The following HDAC9 variants were observed in gnomAD, a reference collection of about 807,000 sequenced individuals.
HDAC9 encodes the protein MEF-2 interacting transcription repressor (MITR) protein.
HDAC9 carries 41 observed loss-of-function variants against 139.4 expected under a neutral mutation model. The ratio of observed to expected loss-of-function variants is 0.29; its 90% CI spans 0.23 to 0.38. The LOEUF (loss-of-function observed/expected upper bound fraction) is 0.38, where lower values mean the gene tolerates loss of function less well. HDAC9 is among the 10% of genes least tolerant of loss of function. HDAC9 has a pLI of 1.00. For synonymous variants in HDAC9, 517 were observed against 476.2 expected (o/e 1.09, Z -1.12); for missense variants, 1,147 against 1,297.0 (o/e 0.88, Z 1.78).
chr7:18,316,343 T>G (rs1461338840), intron 1 of HDAC9, among the ~76,000 whole-genome samples: 1 of 152,178 alleles, frequency 6.6e-6, no homozygotes, highest in Non-Finnish European at 1.5e-5. Flanking sequence ...GCACTCAGTT[T>G]GGGGTTGTCT....
chr7:18,938,230 CAA>C (rs71553939), intron 23 of HDAC9, among the ~76,000 whole-genome samples: 2,034 of 75,220 alleles, frequency 0.027, 25 homozygotes, highest in African/African-American at 0.1. Flanking sequence ...GACTCCGTCT[CAA>C]AAAAAAAAAA....
rs1477623811 is a variant in HDAC9, at chr7:18,829,445, C to T, written c.2379-16C>T. The T allele has an allele frequency of 6.4e-6, 10 of 1,571,302 alleles. No homozygotes were observed. The highest frequency in any genetic ancestry group is 8.7e-6 in the Non-Finnish European group (10 of 1,143,978). ...TGATTTGCTTTCTTATTTCTCTGTTCTTCTCTATTCCGCAGGGGGTTCTGC... is the reference window on the plus strand; with the variant it reads ...TGATTTGCTTTCTTATTTCTCTGTTTTTCTCTATTCCGCAGGGGGTTCTGC... On this transcript the variant is annotated splice_polypyrimidine_tract_variant and intron_variant, in intron 18 of 25. Coordinates refer to ENST00000686413, the MANE Select transcript of HDAC9 (RefSeq NM_178425.4).
intron 2 of HDAC9, among the ~76,000 whole-genome samples, chr7:18,220,613 G>A (rs1792629867): frequency 6.6e-6 from 1 of 152,292 alleles, no homozygotes; most frequent in East Asian, 1.9e-4. Flanking sequence ...GTGTTTTGCT[G>A]TGAATAAATT....
chr7:18,215,317 C>T (rs535692210), intron 2 of HDAC9, among the ~76,000 whole-genome samples: 157 of 152,184 alleles, frequency 1.0e-3, no homozygotes, highest in African/African-American at 3.5e-3. Context: ...GAGAAAGTCC[C>T]GGTCCTTTCT....
chr7:18,231,976 GT>G (rs1469563580), intron 2 of HDAC9, among the ~76,000 whole-genome samples: 1 of 152,062 alleles, frequency 6.6e-6, no homozygotes, highest in Non-Finnish European at 1.5e-5. Flanking sequence ...AGTTAACATT[GT>G]TGTAATATTA....
rs1220128628 is a variant in HDAC9 at position 18,591,506 on chromosome 7, T to C, written c.416-10T>C. On this transcript the variant is annotated splice_polypyrimidine_tract_variant and intron_variant, in intron 4 of 25. Coordinates refer to ENST00000686413, the MANE Select transcript of HDAC9 (RefSeq NM_178425.4). Reference sequence around the variant, plus strand: ...GTGTGTGTGTGTGTGTGTGTGTGTGTGTATTTCAGGGGCAGTGGCAAGTAC... The same window carrying C: ...GTGTGTGTGTGTGTGTGTGTGTGTGCGTATTTCAGGGGCAGTGGCAAGTAC... The C allele has an allele frequency of 6.4e-7, 1 of 1,562,238 alleles. No individual in the cohort carries two copies. Among genetic ancestry groups the C allele is most frequent in the East Asian group, 2.4e-5 (1 of 41,996 alleles).
At chr7:18,344,783 A>G (rs1330301563) in intron 1 of HDAC9, among the ~76,000 whole-genome samples, 1 of 152,018 alleles carries the variant, frequency 6.6e-6, no homozygotes, top group African/African-American at 2.4e-5. Flanking sequence ...GTTACTGGGA[A>G]TGTACTGTTT....
intron 2 of HDAC9, among the ~76,000 whole-genome samples, chr7:18,519,953 C>CA (rs1164543381): frequency 1.3e-5 from 2 of 151,548 alleles, no homozygotes; most frequent in African/African-American, 2.4e-5. Context: ...TTAATGAATG[C>CA]AAAAAAATGT....
chr7:18,562,973 T>G (rs751110738), intron 2 of HDAC9, among the ~76,000 whole-genome samples: 18 of 152,174 alleles, frequency 1.2e-4, no homozygotes, highest in Admixed American at 1.0e-3. Context: ...TTGTTAAATT[T>G]ATGCCCAACA....
In HDAC9 at chr7:18,495,889, A is replaced by G. The variant is rs989414111; in HGVS notation, c.-176A>G. The G allele has an allele frequency of 9.5e-6, 11 of 1,156,906 alleles. No homozygotes were observed. In the African/African-American group the frequency reaches 1.4e-4, roughly 15 times the overall value. The allele number at this position is 1,156,906 out of a possible 1,614,324, so 71.7% of individuals were successfully genotyped here. On this transcript the variant is annotated 5_prime_UTR_variant, in exon 1 of 26. Transcript: ENST00000686413. ...GTTTCTTTTTCTCGTGGGTAGACTT[A>G]ATAATTTTCTACGTATTCTGACAAA...
intron 1 of HDAC9, among the ~76,000 whole-genome samples, chr7:18,337,930 C>A (rs1781702468): frequency 6.6e-6 from 1 of 151,696 alleles, no homozygotes; most frequent in African/African-American, 2.4e-5. Flanking sequence ...ATAAATGTAA[C>A]ATTATCCTTC....
chr7:18,215,607 C>T (rs1346699250), intron 2 of HDAC9, among the ~76,000 whole-genome samples: 1 of 152,116 alleles, frequency 6.6e-6, no homozygotes, highest in Non-Finnish European at 1.5e-5. Context: ...TGTCCTTGCC[C>T]TCAAAGAACT....
chr7:18,640,987 A>G (rs1414163316), intron 8 of HDAC9, among the ~76,000 whole-genome samples: 1 of 152,122 alleles, frequency 6.6e-6, no homozygotes, highest in Non-Finnish European at 1.5e-5. Flanking sequence ...AAAGTTCAGC[A>G]GAATTGCTGT....
At chr7:18,790,677 G>A (rs6955855) in intron 16 of HDAC9, among the ~76,000 whole-genome samples, 33,565 of 152,150 alleles carry the variant, frequency 0.22, 3,905 homozygotes, top group Middle Eastern at 0.28. Flanking sequence ...CCGTTTATAA[G>A]CATTTATAAA....
intron 2 of HDAC9, among the ~76,000 whole-genome samples, chr7:18,248,752 A>G (rs970222100): frequency 6.6e-6 from 1 of 152,194 alleles, no homozygotes; most frequent in Non-Finnish European, 1.5e-5. Context: ...TCCAAGAACT[A>G]TTTGGCTTAT....
chr7:18,550,989 A>G (rs1438363443), intron 2 of HDAC9, among the ~76,000 whole-genome samples: 1 of 152,220 alleles, frequency 6.6e-6, no homozygotes, highest in Non-Finnish European at 1.5e-5. Flanking sequence ...CTTAGCTGTG[A>G]AGGTAGAGAG....
At chr7:18,733,206 CATGTGTCTATACGTATAT>C (rs1786534990) in intron 13 of HDAC9, among the ~76,000 whole-genome samples, 1 of 146,138 alleles carries the variant, frequency 6.8e-6, no homozygotes, top group African/African-American at 2.5e-5. Flanking sequence ...CACGTGTATA[CATGTGTCTATACGTATAT>C]ACACATATAT....
chr7:18,248,995 T>C (rs1042928345), intron 2 of HDAC9, among the ~76,000 whole-genome samples: 1 of 152,202 alleles, frequency 6.6e-6, no homozygotes, highest in African/African-American at 2.4e-5. Context: ...CTAACTTACT[T>C]TTCTGGCTTT....
chr7:18,897,387 C>T (rs927051495), intron 22 of HDAC9, among the ~76,000 whole-genome samples: 1 of 151,850 alleles, frequency 6.6e-6, no homozygotes, highest in African/African-American at 2.4e-5. Context: ...AACTCTAGGA[C>T]TTTATAACTT....
Sources: gnomAD v4.1 joint callset for allele counts (sites outside exome capture counted in the v4.1 genomes callset) on GRCh38, gnomAD v4.1.1 for gene constraint, MANE v1.5 for transcripts, NCBI Gene and HGNC (gene_info 2026-07-23, HGNC 2026-07-21) for gene names.